Variants in TRIM66 observed in about 807,000 individuals in gnomAD.
The protein encoded by TRIM66 is tripartite motif containing 66, also known as tripartite motif-containing protein 66.
Under a neutral mutation model 148.2 loss-of-function variants are expected in TRIM66, and 99 were observed. The ratio of observed to expected loss-of-function variants is 0.67; its 90% confidence interval spans 0.57 to 0.79. TRIM66 has a LOEUF of 0.79. Ranked by LOEUF, TRIM66 falls within the 30% of genes least tolerant of loss-of-function variation. The pLI, the probability that TRIM66 is intolerant of heterozygous loss-of-function variation, is 0.00. For synonymous variants in TRIM66, 616 were observed against 635.9 expected (o/e 0.97, Z 0.47); for missense variants, 1,666 against 1,697.9 (o/e 0.98, Z 0.33).
At chr11:8,632,588 G>A (rs1445542527) in intron 15 of TRIM66, among the ~76,000 whole-genome samples, 1 of 151,152 alleles carries the variant, frequency 6.6e-6, no homozygotes, top group East Asian at 2.0e-4. Flanking sequence ...CTCCCAAGTA[G>A]CTGGGATTAT....
At position 8,640,365 on chromosome 11, in the gene TRIM66, GAGA is replaced by G. The variant is rs2036258385; in HGVS notation, c.2007_2009del (p.Leu670del). On this transcript the variant is annotated inframe_deletion, in exon 14 of 25. Transcript: ENST00000646038. ...GTTGCAGGCTGGGCTGTTGAGCCTG[GAGA>G]AGAAGCTCCAAGTCCTTCTGCATTT... 1.3e-6 allele frequency: 2 copies of G among 1,551,670 alleles called. No homozygotes were observed. The highest frequency in any genetic ancestry group is 4.9e-5 in the East Asian group (2 of 40,924).
chr11:8,622,365 C>CACACACATATATATATATATATATATAT, intron 18 of TRIM66, among the ~76,000 whole-genome samples: 9 of 59,600 alleles, frequency 1.5e-4, no homozygotes, highest in Non-Finnish European at 3.1e-4. Flanking sequence ...CACACACACA[C>CACACACATATATATATATATATATATAT]ATATATATAT....
chr11:8,621,841 G>C, intron 18 of TRIM66, 22 bp from the exon 19 acceptor site: 1 of 1,520,132 alleles, frequency 6.6e-7, no homozygotes, highest in Non-Finnish European at 8.8e-7. Context: ...CAGACACCCC[G>C]GGGTCTTGGT....
chr11:8,624,875 G>A lies in TRIM66; in HGVS notation c.2664C>T (p.His888=). Residue 888 remains histidine (H), a synonymous_variant, in exon 16 of 25, where the codon CAC becomes CAT. Transcript: ENST00000646038. ...PQAGPSLMSG[H]TQAVPSLATC... ...TTGCCAGACTCGGCACAGCCTGGGT[G>A]TGACCAGACATTAGGCTGGGCCCAG... 4.5e-6 allele frequency: 7 copies of A among 1,551,690 alleles called. No homozygotes were observed. Among genetic ancestry groups the A allele is most frequent in the Non-Finnish European group, 6.1e-6 (7 of 1,146,976 alleles).
intron 15 of TRIM66, among the ~76,000 whole-genome samples, chr11:8,635,755 A>G (rs1391406718): frequency 6.6e-6 from 1 of 152,168 alleles, no homozygotes; most frequent in African/African-American, 2.4e-5. Flanking sequence ...TGCTAACCCC[A>G]TTGCCAACTT....
chr11:8,642,633 A>G (rs2036496585), intron 13 of TRIM66, among the ~76,000 whole-genome samples: 1 of 152,090 alleles, frequency 6.6e-6, no homozygotes, highest in African/African-American at 2.4e-5. Context: ...CCACACGTGT[A>G]TACCTTTGTG....
upstream of TRIM66, chr11:8,683,178 T>TA (rs1347714728): frequency 1.2e-6 from 2 of 1,613,480 alleles, no homozygotes; most frequent in Non-Finnish European, 1.7e-6. Context: ...CCTTAGGCCT[T>TA]ACCACCAAGC....
chr11:8,671,920 G>C lies in TRIM66; in HGVS notation c.206C>G (p.Ser69Ter). ...GQMEAMVMTCSLCHQDLPGMG... is the reference protein window; with the variant it reads ...GQMEAMVMTC ...ACCTGGCAGGTCCTGATGGCACAATGAGCAGGTCATTACCATGGCCTCCAT... is the reference window on the plus strand; with the variant it reads ...ACCTGGCAGGTCCTGATGGCACAATCAGCAGGTCATTACCATGGCCTCCAT... Residue 69 changes from serine (S) to a stop codon, truncating the protein, a stop_gained, in exon 6 of 25, where the codon TCA becomes TGA. Coordinates refer to ENST00000646038, the MANE Select transcript of TRIM66 (RefSeq NM_001388022.1). LOFTEE classifies it high-confidence loss of function. The C allele has an allele frequency of 6.5e-7, 1 of 1,536,148 alleles. No homozygotes were observed. Among genetic ancestry groups the C allele is most frequent in the Non-Finnish European group, 8.7e-7 (1 of 1,146,912 alleles).
intron 3 of TRIM66, 75 bp from the exon 4 acceptor site, chr11:8,674,958 A>G (rs1223865579): frequency 6.6e-6 from 1 of 152,252 alleles, no homozygotes; most frequent in Non-Finnish European, 1.5e-5. Flanking sequence ...CCAAAATTCA[A>G]CAGTGGTAGT....
chr11:8,638,657 T>C lies in TRIM66; in HGVS notation c.2307A>G (p.Arg769=). 1 of 1,548,106 alleles carries C rather than the reference T, an allele frequency of 6.5e-7. No individual in the cohort carries two copies. Among genetic ancestry groups the C allele is most frequent in the Non-Finnish European group, 8.7e-7 (1 of 1,145,982 alleles). The change falls in exon 15 of 25, where the codon AGA becomes AGG. Residue 769 remains arginine (R), a synonymous_variant. Transcript: ENST00000646038. ...GGAAAACAGGCTCCTTCAGTACCTT[T>C]CTCACCACATTTGGAGAGGAGTGCT... ...TIQHSSPNVV[R]KHSTSLSIMG...
chr11:8,658,806 G>C lies in TRIM66; in HGVS notation c.341-6903C>G, dbSNP rs866410949. 107 of 985,252 alleles carry C rather than the reference G, an allele frequency of 1.1e-4. No individual in the cohort carries two copies. The South Asian group carries it at 2.1e-3, about 19-fold the overall frequency. 61.0% of individuals were successfully genotyped at this position (985,252 alleles called of 1,614,324 possible). A position where few individuals can be genotyped will look rare whatever the true frequency, so the allele number is the denominator to read the frequency against. On this transcript the variant is annotated intron_variant, in intron 6 of 24. Transcript: ENST00000646038. Reference sequence around the variant, plus strand: ...GCCCCCGGCACTGAAGGAGGGTGTGGGGGGGCCTTCAACAGACATTGAAAT... The same window carrying C: ...GCCCCCGGCACTGAAGGAGGGTGTGCGGGGGCCTTCAACAGACATTGAAAT...
chr11:8,648,041 C>T lies in TRIM66; in HGVS notation c.771G>A (p.Leu257=). 6.4e-7 allele frequency: 1 copy of T among 1,551,750 alleles called. No individual in the cohort carries two copies. Among genetic ancestry groups the T allele is most frequent in the Non-Finnish European group, 8.7e-7 (1 of 1,147,002 alleles). The stretch of plus-strand genomic sequence containing the variant: ...GTGCCACCTGTGTAGTCACACCTTC[C>T]AGAAGCATCCTCTGGTTTTGCAAAA... The part of the protein sequence containing the change: ...EEVLQNQRML[L]EGVTTQVAHK... Residue 257 remains leucine, a synonymous_variant, in exon 10 of 25, where the codon CTG becomes CTA. Coordinates refer to ENST00000646038, the MANE Select transcript of TRIM66 (RefSeq NM_001388022.1).
intron 3 of TRIM66, among the ~76,000 whole-genome samples, chr11:8,676,550 T>C (rs866277507): frequency 1.3e-5 from 2 of 152,114 alleles, no homozygotes; most frequent in African/African-American, 4.8e-5. Flanking sequence ...CACCAGCAAG[T>C]ACTACACAGG....
intron 6 of TRIM66, chr11:8,658,659 C>T: frequency 1.8e-6 from 1 of 547,056 alleles, no homozygotes; most frequent in Non-Finnish European, 2.3e-6. Context: ...GCGGTGCCTG[C>T]ACAGCCAGAG....
chr11:8,653,665 G>A (rs79370799), intron 6 of TRIM66, among the ~76,000 whole-genome samples: 108 of 152,178 alleles, frequency 7.1e-4, no homozygotes, highest in African/African-American at 2.5e-3. Context: ...ATAAAGTTTA[G>A]TTGTTTTAAG....
At chr11:8,639,850 C>T (rs35578541) in intron 14 of TRIM66, among the ~76,000 whole-genome samples, 8,752 of 152,266 alleles carry the variant, frequency 0.057, 350 homozygotes, top group Non-Finnish European at 0.083. Flanking sequence ...TCATAAGGTC[C>T]GGCAAGGGAG....
intron 9 of TRIM66, 96 bp downstream of exon 9, chr11:8,648,320 G>C: frequency 6.7e-7 from 1 of 1,494,682 alleles, no homozygotes; most frequent in East Asian, 2.5e-5. Flanking sequence ...GGCTTGGGCA[G>C]GGAGAAGATT....
chr11:8,636,560 G>T (rs545523270), intron 15 of TRIM66, among the ~76,000 whole-genome samples: 111 of 151,946 alleles, frequency 7.3e-4, no homozygotes, highest in Non-Finnish European at 1.4e-3. Flanking sequence ...ACTGGGATGG[G>T]AGCATGGGAA....
intron 12 of TRIM66, among the ~76,000 whole-genome samples, chr11:8,645,457 T>C (rs1416384122): frequency 2.6e-5 from 4 of 152,160 alleles, no homozygotes; most frequent in South Asian, 4.1e-4. Flanking sequence ...CAATTACCTA[T>C]GACAAAGAAC....
Sources: allele counts gnomAD v4.1 joint callset (sites outside exome capture counted in the v4.1 genomes callset), GRCh38; gene constraint gnomAD v4.1.1; transcripts MANE v1.5; gene names NCBI Gene and HGNC (gene_info 2026-07-23, HGNC 2026-07-21).